The following SCD5 variants were observed in gnomAD, a reference collection of about 807,000 sequenced individuals.
SCD5 encodes the protein stearoyl-CoA desaturase 5, also known as acyl-CoA-desaturase 4.
In SCD5, 20 loss-of-function variants were observed where a neutral mutation model predicts 30.4. The ratio of observed to expected loss-of-function variants is 0.66; its 90% CI spans 0.46 to 0.96. SCD5 has a LOEUF of 0.96. Among genes scored for constraint, SCD5 ranks in the 40% least tolerant of loss-of-function variants. SCD5 has a pLI of 0.00. For synonymous variants in SCD5, 173 were observed against 176.4 expected (o/e 0.98, Z 0.16); for missense variants, 381 against 443.3 (o/e 0.86, Z 1.26).
In SCD5 at chr4:82,708,552, C is replaced by T. The variant is rs1002452979; in HGVS notation, c.233-3139G>A. On this transcript the variant is annotated intron_variant, in intron 1 of 4. Transcript: ENST00000319540. The stretch of plus-strand genomic sequence containing the variant: ...ATTCCAAGGCAGAAGTACCTTGTTG[C>T]CCATGCTTGCACCACAAGCCCAAGA... 2.0e-5 allele frequency among the ~76,000 whole-genome samples: 3 copies of T among 152,274 alleles called. No individual in the cohort carries two copies. The South Asian group carries it at 6.2e-4, about 32-fold the overall frequency.
intron 1 of SCD5, among the ~76,000 whole-genome samples, chr4:82,724,174 CAT>C (rs1720425259): frequency 6.6e-6 from 1 of 152,124 alleles, no homozygotes; most frequent in Non-Finnish European, 1.5e-5. Context: ...TGAAAATGTA[CAT>C]AATAAAAGTC....
At chr4:82,778,797 TG>T (rs1343232414) in intron 1 of SCD5, among the ~76,000 whole-genome samples, 1 of 152,076 alleles carries the variant, frequency 6.6e-6, no homozygotes, top group Non-Finnish European at 1.5e-5. Flanking sequence ...CTGGTATCTG[TG>T]AATGTATTAC....
intron 1 of SCD5, among the ~76,000 whole-genome samples, chr4:82,714,909 G>A (rs778740057): frequency 6.7e-6 from 1 of 149,286 alleles, no homozygotes; most frequent in Non-Finnish European, 1.5e-5. Context: ...TAGAGAGATA[G>A]AACTGATCTT....
chr4:82,636,742 CCA>C lies in SCD5; in HGVS notation c.649_650del (p.Trp217GlufsTer34). On this transcript the variant is annotated frameshift_variant, in exon 4 of 5. Transcript: ENST00000319540. LOFTEE classifies it high-confidence loss of function. ...GAATAGAGGCCAAGAAGTAGGAATTCCACAGACTCTCTCCCCAGATGTACCAG... is the reference window on the plus strand; with the variant it reads ...GAATAGAGGCCAAGAAGTAGGAATTCCAGACTCTCTCCCCAGATGTACCAG... The part of the protein sequence containing the change: ...VPWYIWGESL[W>X]NSYFLASILR... 6.2e-7 allele frequency: 1 copy of C among 1,614,206 alleles called. No homozygotes were observed. The highest frequency in any genetic ancestry group is 8.5e-7 in the Non-Finnish European group (1 of 1,180,044).
intron 1 of SCD5, among the ~76,000 whole-genome samples, chr4:82,746,979 G>GA (rs1560551542): frequency 6.6e-6 from 1 of 151,096 alleles, no homozygotes; most frequent in Admixed American, 6.6e-5. Flanking sequence ...GAGGAACGGG[G>GA]AACACACCCA....
At chr4:82,677,109 G>A (rs1728453373) in intron 3 of SCD5, among the ~76,000 whole-genome samples, 1 of 152,220 alleles carries the variant, frequency 6.6e-6, no homozygotes, top group Non-Finnish European at 1.5e-5. Context: ...TTAGTGTCCT[G>A]AGTGGACTGA....
At chr4:82,635,514 G>A (rs910051725) in intron 4 of SCD5, among the ~76,000 whole-genome samples, 7 of 151,666 alleles carry the variant, frequency 4.6e-5, no homozygotes, top group East Asian at 1.9e-4. Flanking sequence ...CCAGCTACTC[G>A]GGAGGCTGAG....
chr4:82,650,649 G>T lies in SCD5; in HGVS notation c.570-13826C>A, dbSNP rs1727732606. ...AGGTTGAGGCTACAGTGAGCCATGA[G>T]TGTGCCACTGCACTCCAGCCTGGGT... On this transcript the variant is annotated intron_variant, in intron 3 of 4. Transcript: ENST00000319540. Among the ~76,000 whole-genome samples the T allele has an allele frequency of 3.3e-5, 5 of 150,472 alleles. No individual in the cohort carries two copies. In the South Asian group the frequency reaches 1.1e-3, roughly 32 times the overall value.
rs926779688 is a variant in SCD5, at chr4:82,640,263, G to T, written c.570-3440C>A. On this transcript the variant is annotated intron_variant, in intron 3 of 4. Transcript: ENST00000319540. ...TCTAGAAGCTCTACCCTGCCAAGTGGGTGGGTCCCTGTGGACGGACAGCAC... is the reference window on the plus strand; with the variant it reads ...TCTAGAAGCTCTACCCTGCCAAGTGTGTGGGTCCCTGTGGACGGACAGCAC... Among the ~76,000 whole-genome samples the T allele has an allele frequency of 7.9e-5, 12 of 152,330 alleles. No individual in the cohort carries two copies. The East Asian group carries it at 2.3e-3, about 29-fold the overall frequency.
chr4:82,773,694 G>A (rs190885864), intron 1 of SCD5, among the ~76,000 whole-genome samples: 1 of 152,202 alleles, frequency 6.6e-6, no homozygotes, highest in African/African-American at 2.4e-5. Flanking sequence ...AGATGCTAGC[G>A]GCAATCTCCC....
At chr4:82,736,643 A>G (rs1468464261) in intron 1 of SCD5, among the ~76,000 whole-genome samples, 40 of 151,912 alleles carry the variant, frequency 2.6e-4, no homozygotes. Context: ...GTAATATTAT[A>G]TTTCATTTTA....
At chr4:82,762,004 C>G (rs929982416) in intron 1 of SCD5, among the ~76,000 whole-genome samples, 22 of 151,768 alleles carry the variant, frequency 1.4e-4, no homozygotes, top group Middle Eastern at 3.2e-3. Context: ...AAGACCCCAT[C>G]TCTACAAAAA....
intron 2 of SCD5, 26 bp downstream of exon 2, chr4:82,705,257 A>G: frequency 6.2e-7 from 1 of 1,613,310 alleles, no homozygotes; most frequent in Non-Finnish European, 8.5e-7. Flanking sequence ...GGGTCTCCCA[A>G]CACAGAGAGG....
intron 1 of SCD5, among the ~76,000 whole-genome samples, chr4:82,726,417 C>CAA (rs398051208): frequency 0.12 from 13,382 of 108,488 alleles, 886 homozygotes; most frequent in East Asian, 0.2. Flanking sequence ...AACTCTGTCT[C>CAA]AAAAAAAAAA....
chr4:82,662,789 G>A (rs908741135), intron 3 of SCD5, among the ~76,000 whole-genome samples: 2 of 147,692 alleles, frequency 1.4e-5, no homozygotes, highest in Admixed American at 1.4e-4. Context: ...GAACCTGGGA[G>A]ACGGAGATTG....
intron 1 of SCD5, among the ~76,000 whole-genome samples, chr4:82,715,273 G>A (rs542905466): frequency 3.3e-5 from 5 of 151,126 alleles, no homozygotes; most frequent in East Asian, 3.9e-4. Context: ...GATTTAGAAC[G>A]ATAGATCTGA....
chr4:82,680,463 T>C (rs1438353345), intron 3 of SCD5, among the ~76,000 whole-genome samples: 2 of 152,216 alleles, frequency 1.3e-5, no homozygotes, highest in African/African-American at 2.4e-5. Context: ...AGTTTGAAGA[T>C]AATGACACTG....
intron 1 of SCD5, among the ~76,000 whole-genome samples, chr4:82,739,328 AAC>A (rs1720822012): frequency 6.6e-6 from 1 of 152,198 alleles, no homozygotes; most frequent in Non-Finnish European, 1.5e-5. Context: ...CCACAAACTC[AAC>A]TCTCGGGATC....
intron 3 of SCD5, among the ~76,000 whole-genome samples, chr4:82,672,667 A>G (rs1480325076): frequency 6.6e-6 from 1 of 152,116 alleles, no homozygotes; most frequent in Non-Finnish European, 1.5e-5. Context: ...TTTTTTAGAA[A>G]ATAAAAGCAG....
Sources: gnomAD v4.1 joint callset for allele counts (sites outside exome capture counted in the v4.1 genomes callset) on GRCh38, gnomAD v4.1.1 for gene constraint, MANE v1.5 for transcripts, NCBI Gene and HGNC (gene_info 2026-07-23, HGNC 2026-07-21) for gene names.